The following GPC5 variants were observed in gnomAD, a reference collection of about 807,000 sequenced individuals.
GPC5 encodes the protein glypican-5.
A neutral mutation model predicts 53.9 loss-of-function variants in GPC5; 47 were observed. The observed-to-expected ratio is 0.87, with a 90% CI of 0.69 to 1.11. The LOEUF is 1.11. Ranked by LOEUF, GPC5 falls within the 50% of genes most tolerant of loss-of-function variation. The pLI is 0.00. For missense variants in GPC5, 748 were observed against 713.1 expected (o/e 1.05, Z -0.56); for synonymous variants, 286 against 263.3 (o/e 1.09, Z -0.84).
rs534555796 is a variant in GPC5, at chr13:92,402,121, G to T, written c.1561+257132G>T. On this transcript the variant is annotated intron_variant, in intron 7 of 7. Transcript: ENST00000377067. Reference sequence around the variant, plus strand: ...TACTTTGTTGAGTAGGAGTGAAGTTGGTGAGAATAATTGTTTGACTAGATA... The same window carrying T: ...TACTTTGTTGAGTAGGAGTGAAGTTTGTGAGAATAATTGTTTGACTAGATA... Among the ~76,000 whole-genome samples the T allele has an allele frequency of 2.0e-5, 3 of 152,172 alleles. No homozygotes were observed. The South Asian group carries it at 6.2e-4, about 32-fold the overall frequency.
intron 7 of GPC5, among the ~76,000 whole-genome samples, chr13:92,164,025 A>G (rs2042009717): frequency 2.0e-5 from 3 of 152,298 alleles, no homozygotes; most frequent in Admixed American, 6.5e-5. Flanking sequence ...CTCAATCACT[A>G]TCATGAGAAG....
At chr13:91,865,656 C>T (rs574293199) in intron 5 of GPC5, among the ~76,000 whole-genome samples, 3 of 152,260 alleles carry the variant, frequency 2.0e-5, no homozygotes, top group African/African-American at 4.8e-5. Context: ...ATGGCAGAAA[C>T]GTCAGATAAT....
At chr13:91,423,979 T>A (rs1223183643) in intron 1 of GPC5, among the ~76,000 whole-genome samples, 1 of 152,252 alleles carries the variant, frequency 6.6e-6, no homozygotes, top group African/African-American at 2.4e-5. Flanking sequence ...TCATTCACAA[T>A]GCATACTTGG....
At chr13:92,693,775 G>A (rs775993526) in intron 7 of GPC5, among the ~76,000 whole-genome samples, 1 of 152,126 alleles carries the variant, frequency 6.6e-6, no homozygotes, top group Non-Finnish European at 1.5e-5. Context: ...CCATTTTCTG[G>A]GGAGAAATTC....
intron 3 of GPC5, among the ~76,000 whole-genome samples, chr13:91,705,950 G>C (rs927224049): frequency 6.9e-6 from 1 of 143,964 alleles, no homozygotes; most frequent in African/African-American, 2.6e-5. Flanking sequence ...GCACGATCTC[G>C]GCTCATTGCA....
intron 2 of GPC5, among the ~76,000 whole-genome samples, chr13:91,610,790 T>G (rs2033523364): frequency 6.6e-6 from 1 of 152,206 alleles, no homozygotes; most frequent in South Asian, 2.1e-4. Flanking sequence ...TTCTGTCTTT[T>G]CTATCTAATG....
In GPC5 at chr13:92,392,373, C is replaced by A. The variant is rs71427570; in HGVS notation, c.1561+247384C>A. 8.5e-3 allele frequency among the ~76,000 whole-genome samples: 1,289 copies of A among 152,176 alleles called. 21 individuals are homozygous for A. The highest frequency in any genetic ancestry group is 0.038 in the Middle Eastern group (11 of 292). On this transcript the variant is annotated intron_variant, in intron 7 of 7. Transcript: ENST00000377067. ...TATGCAGAAAGTTGGAGCTGGACCC[C>A]TTTCTTACACCGTACACAAAAATCA...
intron 7 of GPC5, among the ~76,000 whole-genome samples, chr13:92,238,068 A>G (rs920514450): frequency 2.0e-5 from 3 of 151,980 alleles, no homozygotes; most frequent in Non-Finnish European, 4.4e-5. Context: ...TTTTCTTTCA[A>G]TGGATATCAT....
intron 5 of GPC5, among the ~76,000 whole-genome samples, chr13:91,846,119 T>G (rs2038846084): frequency 6.6e-6 from 1 of 152,146 alleles, no homozygotes; most frequent in South Asian, 2.1e-4. Flanking sequence ...TGGGGCTCCC[T>G]CCACATGACC....
chr13:91,633,814 T>C (rs1231201599), intron 2 of GPC5, among the ~76,000 whole-genome samples: 1 of 152,124 alleles, frequency 6.6e-6, no homozygotes, highest in Non-Finnish European at 1.5e-5. Context: ...TTTGAGTCTC[T>C]CCACTCTTTG....
At chr13:92,099,884 AAAG>A (rs1376809758) in intron 6 of GPC5, among the ~76,000 whole-genome samples, 11 of 152,200 alleles carry the variant, frequency 7.2e-5, no homozygotes, top group African/African-American at 2.2e-4. Context: ...GGAGTTAATC[AAAG>A]AAGATTAACC....
chr13:92,012,393 TTTAAC>T (rs2040669509), intron 6 of GPC5, among the ~76,000 whole-genome samples: 1 of 152,204 alleles, frequency 6.6e-6, no homozygotes, highest in Admixed American at 6.5e-5. Flanking sequence ...TCTTGTTACT[TTTAAC>T]TTAATTGTTT....
chr13:91,698,775 T>G (rs2035935220), intron 3 of GPC5, among the ~76,000 whole-genome samples: 1 of 152,192 alleles, frequency 6.6e-6, no homozygotes, highest in African/African-American at 2.4e-5. Context: ...AGTCATGACA[T>G]TTGCTTAGCG....
chr13:92,314,057 G>A (rs1395210229), intron 7 of GPC5, among the ~76,000 whole-genome samples: 6 of 152,198 alleles, frequency 3.9e-5, no homozygotes, highest in African/African-American at 1.4e-4. Flanking sequence ...AAATAATGGA[G>A]GTTCACAGAT....
intron 6 of GPC5, among the ~76,000 whole-genome samples, chr13:92,048,953 T>G (rs1473161974): frequency 6.6e-6 from 1 of 152,210 alleles, no homozygotes; most frequent in African/African-American, 2.4e-5. Context: ...GAAACATGGC[T>G]TATTTGGAAC....
intron 2 of GPC5, among the ~76,000 whole-genome samples, chr13:91,497,918 C>G (rs1884367909): frequency 6.6e-6 from 1 of 152,128 alleles, no homozygotes; most frequent in Admixed American, 6.5e-5. Context: ...TCCATCACCT[C>G]AAGAATGTAT....
chr13:91,828,547 C>T (rs752341846), intron 5 of GPC5, among the ~76,000 whole-genome samples: 3 of 151,964 alleles, frequency 2.0e-5, no homozygotes, highest in Non-Finnish European at 4.4e-5. Flanking sequence ...ATAATGAGGA[C>T]TCCTTGGATA....
At chr13:92,005,016 C>T (rs1279188477) in intron 6 of GPC5, among the ~76,000 whole-genome samples, 1 of 152,158 alleles carries the variant, frequency 6.6e-6, no homozygotes, top group African/African-American at 2.4e-5. Flanking sequence ...GTGGGTCTGC[C>T]TTTCTCAGTC....
chr13:92,069,640 T>C (rs947390225), intron 6 of GPC5, among the ~76,000 whole-genome samples: 1 of 152,168 alleles, frequency 6.6e-6, no homozygotes, highest in Non-Finnish European at 1.5e-5. Context: ...CTTTGTAAAC[T>C]GACTTGGAGT....
Sources: allele counts gnomAD v4.1 joint callset (sites outside exome capture counted in the v4.1 genomes callset), GRCh38; gene constraint gnomAD v4.1.1; transcripts MANE v1.5; gene names NCBI Gene and HGNC (gene_info 2026-07-23, HGNC 2026-07-21).